Variants in CDH12 observed in about 807,000 individuals in gnomAD.
CDH12 encodes the protein cadherin-12.
In CDH12, 41 loss-of-function variants were observed where a neutral mutation model predicts 74.1. The ratio of observed to expected loss-of-function variants is 0.55; its 90% CI spans 0.43 to 0.72. The LOEUF (loss-of-function observed/expected upper bound fraction) is 0.72. Among genes scored for constraint, CDH12 ranks in the 30% least tolerant of loss-of-function variants. The pLI is 0.00. For synonymous variants in CDH12, 399 were observed against 355.0 expected, an observed-to-expected ratio of 1.12 and a Z score of -1.39; for missense variants, 945 against 977.2, an observed-to-expected ratio of 0.97 and a Z score of 0.44.
chr5:22,336,309 C>T (rs1360985665), intron 3 of CDH12, among the ~76,000 whole-genome samples: 1 of 152,058 alleles, frequency 6.6e-6, no homozygotes, highest in Non-Finnish European at 1.5e-5. Flanking sequence ...AAAAGAAAAT[C>T]CCATTATCTG....
At chr5:22,555,601 AG>A (rs1459795373) in intron 1 of CDH12, among the ~76,000 whole-genome samples, 1 of 151,870 alleles carries the variant, frequency 6.6e-6, no homozygotes, top group African/African-American at 2.4e-5. Context: ...ATTAAGCAAA[AG>A]ATCTTGATTT....
chr5:22,423,241 G>C (rs990815571), intron 2 of CDH12, among the ~76,000 whole-genome samples: 4 of 148,586 alleles, frequency 2.7e-5, no homozygotes, highest in Non-Finnish European at 5.9e-5. Flanking sequence ...ATACCCTAGC[G>C]AACTTATGAA....
intron 1 of CDH12, among the ~76,000 whole-genome samples, chr5:22,612,284 T>C (rs1259063945): frequency 6.6e-6 from 1 of 152,158 alleles, no homozygotes. Flanking sequence ...TTATACAGGT[T>C]AACACTTGTC....
rs115047650 is a variant in CDH12 at position 21,759,681 on chromosome 5, T to C, written c.1633+877A>G. The stretch of plus-strand genomic sequence containing the variant: ...TTCTTTAAATTTATTTATTATTTAT[T>C]TATTTTTTAACGTTTATTTTAGATT... On this transcript the variant is annotated intron_variant, in intron 13 of 14. Coordinates refer to ENST00000382254, the MANE Select transcript of CDH12 (RefSeq NM_004061.5). 5.0e-3 allele frequency among the ~76,000 whole-genome samples: 768 copies of C among 152,230 alleles called. 6 individuals carry two copies. Among genetic ancestry groups the C allele is most frequent in the Middle Eastern group, 0.014 (4 of 294 alleles).
intron 5 of CDH12, among the ~76,000 whole-genome samples, chr5:22,073,532 T>G (rs562369245): frequency 6.6e-6 from 1 of 152,162 alleles, no homozygotes; most frequent in African/African-American, 2.4e-5. Flanking sequence ...TTTGAGCAAC[T>G]GGTAACATAT....
At chr5:22,766,422 C>T (rs1746518783) in intron 1 of CDH12, among the ~76,000 whole-genome samples, 1 of 151,968 alleles carries the variant, frequency 6.6e-6, no homozygotes, top group Non-Finnish European at 1.5e-5. Flanking sequence ...CGCATGAAAC[C>T]AAGCTGCATT....
At position 21,926,804 on chromosome 5, in the gene CDH12, TA is replaced by T. The variant is rs575939380; in HGVS notation, c.526+48286del. On this transcript the variant is annotated intron_variant, in intron 6 of 14. Coordinates refer to ENST00000382254, the MANE Select transcript of CDH12 (RefSeq NM_004061.5). ...GGAGTGAAGGCCGAGTGCATGCAGG[TA>T]GAACTGTGTACAACAATAGAGGTGA... 4.6e-5 allele frequency among the ~76,000 whole-genome samples: 7 copies of T among 152,282 alleles called. No individual in the cohort carries two copies. In the East Asian group the frequency reaches 1.4e-3, roughly 29 times the overall value.
At chr5:21,879,924 A>C (rs1752152369) in intron 6 of CDH12, among the ~76,000 whole-genome samples, 1 of 152,230 alleles carries the variant, frequency 6.6e-6, no homozygotes, top group African/African-American at 2.4e-5. Flanking sequence ...GGTAGATGGA[A>C]AACTTAGAGA....
intron 8 of CDH12, among the ~76,000 whole-genome samples, chr5:21,821,005 T>C (rs1561213107): frequency 6.6e-6 from 1 of 151,962 alleles, no homozygotes; most frequent in Non-Finnish European, 1.5e-5. Context: ...AAAATCTTCA[T>C]TTTCCCATAG....
intron 1 of CDH12, among the ~76,000 whole-genome samples, chr5:22,539,584 T>C (rs980519694): frequency 2.6e-5 from 4 of 152,216 alleles, no homozygotes; most frequent in African/African-American, 9.6e-5. Context: ...TGATGTATTA[T>C]ATGAAAATGC....
At chr5:22,167,519 A>G (rs893026297) in intron 4 of CDH12, among the ~76,000 whole-genome samples, 1 of 152,150 alleles carries the variant, frequency 6.6e-6, no homozygotes, top group Admixed American at 6.6e-5. Context: ...CTTCAAATAT[A>G]TAGCTCTTTG....
At chr5:21,786,345 G>A (rs540724601) in intron 10 of CDH12, among the ~76,000 whole-genome samples, 1 of 151,994 alleles carries the variant, frequency 6.6e-6, no homozygotes, top group Non-Finnish European at 1.5e-5. Flanking sequence ...GTAGAGATGG[G>A]GTTTCACCAT....
chr5:22,456,089 A>G (rs547629967), intron 2 of CDH12, among the ~76,000 whole-genome samples: 3 of 148,432 alleles, frequency 2.0e-5, no homozygotes, highest in African/African-American at 5.0e-5. Context: ...GCCATTATTC[A>G]TTTCTGCCAT....
intron 6 of CDH12, among the ~76,000 whole-genome samples, chr5:21,881,850 T>C (rs1048348027): frequency 6.6e-6 from 1 of 152,172 alleles, no homozygotes; most frequent in African/African-American, 2.4e-5. Flanking sequence ...TCATGGATCT[T>C]TTTTCTTTTG....
intron 4 of CDH12, among the ~76,000 whole-genome samples, chr5:22,091,195 G>GTATA (rs1320597002): frequency 2.0e-4 from 26 of 132,208 alleles, no homozygotes; most frequent in African/African-American, 7.7e-4. Context: ...GTGTGTGTGT[G>GTATA]TGTATATATA....
chr5:22,075,218 C>T (rs963304371), intron 5 of CDH12, among the ~76,000 whole-genome samples: 22 of 149,658 alleles, frequency 1.5e-4, no homozygotes, highest in African/African-American at 5.2e-4. Context: ...GGACAAAAAA[C>T]CAAACACCAC....
intron 1 of CDH12, among the ~76,000 whole-genome samples, chr5:22,713,291 C>A (rs957653609): frequency 6.6e-6 from 1 of 151,748 alleles, no homozygotes; most frequent in Admixed American, 6.6e-5. Context: ...CAGGCACAAA[C>A]CACCATGCCC....
chr5:21,810,007 T>C (rs1039270982), intron 9 of CDH12, among the ~76,000 whole-genome samples: 1 of 152,066 alleles, frequency 6.6e-6, no homozygotes, highest in Non-Finnish European at 1.5e-5. Context: ...AAGATACTTA[T>C]ATGGGACAGG....
At chr5:22,723,402 C>T (rs944559758) in intron 1 of CDH12, among the ~76,000 whole-genome samples, 3 of 152,058 alleles carry the variant, frequency 2.0e-5, no homozygotes, top group African/African-American at 7.2e-5. Flanking sequence ...CCCAATGTAA[C>T]AGAAGACAGA....
Sources: gnomAD v4.1 joint callset for allele counts (sites outside exome capture counted in the v4.1 genomes callset) on GRCh38, gnomAD v4.1.1 for gene constraint, MANE v1.5 for transcripts, NCBI Gene and HGNC (gene_info 2026-07-23, HGNC 2026-07-21) for gene names.